PCGF3: variants seen among roughly 807,000 people sequenced by gnomAD.
The protein encoded by PCGF3 is polycomb group ring finger 3.
A neutral mutation model predicts 33.1 loss-of-function variants in PCGF3; 7 were observed. That is an observed-to-expected ratio of 0.21 (90% CI 0.12 to 0.40). The LOEUF is 0.40. PCGF3 is among the 10% of genes least tolerant of loss of function. The probability of loss-of-function intolerance (pLI) is 1.00; values close to 1 mark genes in which losing one functional copy is unlikely to be tolerated. For missense variants in PCGF3, 211 were observed against 313.3 expected (o/e 0.67, Z 2.46); for synonymous variants, 153 against 121.3 (o/e 1.26, Z -1.72).
intron 1 of PCGF3, among the ~76,000 whole-genome samples, chr4:730,265 T>G (rs1172980134): frequency 2.6e-5 from 4 of 152,188 alleles, no homozygotes; most frequent in Non-Finnish European, 5.9e-5. Flanking sequence ...TCTGAGGTCT[T>G]GCATTTGCCC....
At chr4:768,207 G>T (rs1174143182) in exon 11 of PCGF3, 1 of 152,688 alleles carries the variant, frequency 6.5e-6, no homozygotes, top group Non-Finnish European at 1.5e-5. Context: ...GCGTTAACCT[G>T]ACAAAACCTC....
intron 3 of PCGF3, among the ~76,000 whole-genome samples, chr4:732,862 G>A (rs921320515): frequency 6.6e-6 from 1 of 152,264 alleles, no homozygotes; most frequent in African/African-American, 2.4e-5. Context: ...GAGCGGCCCT[G>A]CTCTCTTGCC....
intron 4 of PCGF3, chr4:734,284 G>A: frequency 2.1e-6 from 3 of 1,461,810 alleles, no homozygotes; most frequent in Non-Finnish European, 2.7e-6. Context: ...ATCAGGCTGA[G>A]GCTCGGCTCT....
chr4:735,537 T>C (rs1212062198), intron 5 of PCGF3, among the ~76,000 whole-genome samples: 1 of 65,658 alleles, frequency 1.5e-5, no homozygotes, highest in African/African-American at 5.6e-5. Flanking sequence ...AGAGCGAGAC[T>C]CTGTCTCAAA....
chr4:751,483 C>G (rs1283540004), intron 8 of PCGF3, among the ~76,000 whole-genome samples: 1 of 152,134 alleles, frequency 6.6e-6, no homozygotes, highest in South Asian at 2.1e-4. Context: ...TGCGGTGGCC[C>G]CTGAGCTCCT....
chr4:760,097 T>C (rs1285318192), intron 8 of PCGF3, among the ~76,000 whole-genome samples: 1 of 152,206 alleles, frequency 6.6e-6, no homozygotes, highest in Non-Finnish European at 1.5e-5. Flanking sequence ...AATCCACTTA[T>C]CTCCCCAGTG....
chr4:738,525 T>G (rs1434759804), intron 6 of PCGF3, among the ~76,000 whole-genome samples: 2 of 145,846 alleles, frequency 1.4e-5, no homozygotes, highest in Non-Finnish European at 3.0e-5. Context: ...GGACCCCAAG[T>G]TTTGTGACCC....
At chr4:734,274 A>C (rs1743742064) in intron 4 of PCGF3, 1 of 1,468,864 alleles carries the variant, frequency 6.8e-7, no homozygotes, top group Non-Finnish European at 9.0e-7. Context: ...GGTGCCATCC[A>C]TCAGGCTGAG....
chr4:749,476 C>CTTTTTTTTTTTTT lies in PCGF3; in HGVS notation c.462+4800_462+4812dup, dbSNP rs71640348. Among the ~76,000 whole-genome samples, 165 of 75,470 alleles carry CTTTTTTTTTTTTT rather than the reference C, an allele frequency of 2.2e-3. 15 individuals are homozygous for CTTTTTTTTTTTTT. Among genetic ancestry groups the CTTTTTTTTTTTTT allele is most frequent in the African/African-American group, 7.0e-3 (124 of 17,726 alleles). 49.5% of individuals were successfully genotyped at this position (75,470 alleles called of 152,430 possible). ...ACCATGCCCTGCTGAATTTTCTTTCCTTTTTTTTTTTTTTTTTTTTTTTTG... is the reference window on the plus strand; with the variant it reads ...ACCATGCCCTGCTGAATTTTCTTTCCTTTTTTTTTTTTTTTTTTTTTTTTTTTTTTTTTTTTTG... On this transcript the variant is annotated intron_variant, in intron 8 of 10. Coordinates refer to ENST00000362003, the Ensembl canonical transcript of PCGF3.
intron 1 of PCGF3, among the ~76,000 whole-genome samples, chr4:711,106 T>TG (rs1742541755): frequency 6.6e-6 from 1 of 152,202 alleles, no homozygotes; most frequent in Non-Finnish European, 1.5e-5. Flanking sequence ...CACCCTCCAC[T>TG]GCACAGGGAG....
chr4:763,552 G>C (rs565538959), intron 9 of PCGF3, among the ~76,000 whole-genome samples: 2 of 152,228 alleles, frequency 1.3e-5, no homozygotes, highest in Non-Finnish European at 2.9e-5. Context: ...CCATAGAAGG[G>C]CCAGAATCCC....
intron 9 of PCGF3, chr4:761,787 G>C (rs530401254): frequency 6.9e-5 from 68 of 985,456 alleles, no homozygotes; most frequent in Middle Eastern, 5.2e-4. Flanking sequence ...TGTGTAAGGA[G>C]ACGAAGGAGT....
At chr4:767,805 G>C (rs1030191271) in exon 11 of PCGF3, 1 of 152,556 alleles carries the variant, frequency 6.6e-6, no homozygotes, top group Non-Finnish European at 1.5e-5. Flanking sequence ...TCATTTTCTA[G>C]AGTCACTGTA....
At position 721,273 on chromosome 4, in the gene PCGF3, AG is replaced by A. The variant is rs747043431; in HGVS notation, c.-189-9356del. ...CAGCTTTGTGCCTGTGAATCTCAGG[AG>A]CTGTTTTCTGGAAAGTTCCATAACT... On this transcript the variant is annotated intron_variant, in intron 1 of 10. Transcript: ENST00000362003. This position sits in a 1 kb window ranked among gnomAD's most constrained non-coding sequence, Gnocchi z 4.1. 1.3e-5 allele frequency among the ~76,000 whole-genome samples: 2 copies of A among 152,184 alleles called. No homozygotes were observed. The highest frequency in any genetic ancestry group is 2.4e-5 in the African/African-American group (1 of 41,448).
chr4:722,167 G>GA (rs1235117045), intron 1 of PCGF3: 1 of 156,414 alleles, frequency 6.4e-6, no homozygotes, highest in Non-Finnish European at 1.4e-5. Flanking sequence ...CTTACGCAGA[G>GA]AACAGCCGCT....
chr4:749,929 C>G (rs998537733), intron 8 of PCGF3, among the ~76,000 whole-genome samples: 1 of 152,236 alleles, frequency 6.6e-6, no homozygotes, highest in African/African-American at 2.4e-5. Flanking sequence ...GCCCAAGCCT[C>G]CAGAGTAGCA....
intron 1 of PCGF3, among the ~76,000 whole-genome samples, chr4:724,952 C>G (rs2109566277): frequency 6.8e-6 from 1 of 146,472 alleles, no homozygotes; most frequent in Admixed American, 6.8e-5. Context: ...CAGAGCAAGA[C>G]TTTTTCTCAA....
intron 1 of PCGF3, among the ~76,000 whole-genome samples, chr4:711,742 C>A (rs1203816350): frequency 1.3e-5 from 2 of 151,746 alleles, no homozygotes; most frequent in Admixed American, 1.3e-4. Context: ...CAGGCGTGAG[C>A]CACCGCACCC....
intron 1 of PCGF3, among the ~76,000 whole-genome samples, chr4:709,611 C>T (rs1158544022): frequency 1.3e-5 from 2 of 152,242 alleles, no homozygotes; most frequent in Admixed American, 6.5e-5. Context: ...GAGACATCCC[C>T]TCGGATTAGG....
Sources: gnomAD v4.1 joint callset for allele counts (sites outside exome capture counted in the v4.1 genomes callset) on GRCh38, gnomAD v4.1.1 for gene constraint, Gnocchi (gnomAD v3.1) non-coding constraint, MANE v1.5 for transcripts, NCBI Gene and HGNC (gene_info 2026-07-23, HGNC 2026-07-21) for gene names.